FAM131C: variants seen among roughly 807,000 people sequenced by gnomAD.
FAM131C encodes family with sequence similarity 131 member C, also known as protein FAM131C.
Under a neutral mutation model 29.8 loss-of-function variants are expected in FAM131C, and 14 were observed. The observed-to-expected ratio is 0.47, with a 90% CI of 0.31 to 0.73. The LOEUF (loss-of-function observed/expected upper bound fraction) is 0.73. Ranked by LOEUF, FAM131C falls within the 30% of genes least tolerant of loss-of-function variation. The probability of loss-of-function intolerance (pLI) is 0.05; values close to 1 mark genes in which losing one functional copy is unlikely to be tolerated. For missense variants in FAM131C, 252 were observed against 383.8 expected, an observed-to-expected ratio of 0.66 and a Z score of 2.87; for synonymous variants, 86 against 157.8, an observed-to-expected ratio of 0.54 and a Z score of 3.41.
intron 1 of FAM131C, among the ~76,000 whole-genome samples, chr1:16,067,332 A>G (rs2023694792): frequency 6.6e-6 from 1 of 152,182 alleles, no homozygotes; most frequent in African/African-American, 2.4e-5. Flanking sequence ...CACCACTGGC[A>G]ACTGGAAAAA....
At chr1:16,064,034 G>T (rs1359418384) in intron 1 of FAM131C, among the ~76,000 whole-genome samples, 1 of 151,952 alleles carries the variant, frequency 6.6e-6, no homozygotes, top group African/African-American at 2.4e-5. Flanking sequence ...CTCTCACCCC[G>T]GTTTGGGTCT....
At chr1:16,065,295 A>G (rs372672891) in intron 1 of FAM131C, among the ~76,000 whole-genome samples, 7 of 152,096 alleles carry the variant, frequency 4.6e-5, no homozygotes, top group African/African-American at 1.7e-4. Flanking sequence ...CACGCAGTCA[A>G]CCGGCAAATC....
intron 5 of FAM131C, 113 bp from the exon 6 acceptor site, chr1:16,059,717 C>G: frequency 1.6e-6 from 1 of 639,502 alleles, no homozygotes; most frequent in South Asian, 5.4e-5. Flanking sequence ...GGCTGCCAAT[C>G]CACACCCCAG....
At chr1:16,061,487 C>T (rs555147568) in intron 4 of FAM131C, among the ~76,000 whole-genome samples, 8 of 152,256 alleles carry the variant, frequency 5.3e-5, no homozygotes, top group African/African-American at 9.6e-5. Flanking sequence ...ATCTGGAGAA[C>T]CGCCCTGAGC....
intron 1 of FAM131C, among the ~76,000 whole-genome samples, chr1:16,066,513 TCCACAAAG>T (rs2023685252): frequency 6.6e-6 from 1 of 152,178 alleles, no homozygotes; most frequent in African/African-American, 2.4e-5. Context: ...GGCCTCCATT[TCCACAAAG>T]GCCATGTTGT....
chr1:16,059,785 AG>A (rs2023564801), intron 5 of FAM131C, 83 bp downstream of exon 5: 1 of 1,335,510 alleles, frequency 7.5e-7, no homozygotes, highest in African/African-American at 1.5e-5. Flanking sequence ...TTTCCTGCCC[AG>A]ACAATGCCCA....
intron 5 of FAM131C, 83 bp from the exon 6 acceptor site, chr1:16,059,687 G>T: frequency 1.0e-6 from 1 of 992,340 alleles, no homozygotes; most frequent in African/African-American, 1.7e-5. Context: ...AGGACAGGCG[G>T]GAGGGTGGCC....
At chr1:16,060,086 A>G (rs2023573993) in intron 4 of FAM131C, 35 bp from the exon 5 acceptor site, 6 of 1,181,234 alleles carry the variant, frequency 5.1e-6, no homozygotes, top group Non-Finnish European at 5.8e-6. Flanking sequence ...GACTGTCCTG[A>G]CACAAGGCTC....
chr1:16,068,314 C>T (rs2023708594), intron 1 of FAM131C, among the ~76,000 whole-genome samples: 1 of 152,256 alleles, frequency 6.6e-6, no homozygotes, highest in Non-Finnish European at 1.5e-5. Context: ...GGATTCTCAT[C>T]TGTGAAATAA....
intron 1 of FAM131C, among the ~76,000 whole-genome samples, chr1:16,064,445 T>G (rs530021805): frequency 6.6e-6 from 1 of 152,286 alleles, no homozygotes; most frequent in East Asian, 1.9e-4. Flanking sequence ...CACCCAGGGC[T>G]GGGTCCTGCC....
intron 6 of FAM131C, among the ~76,000 whole-genome samples, chr1:16,059,027 C>T (rs1256004838): frequency 1.3e-5 from 2 of 151,974 alleles, no homozygotes; most frequent in Non-Finnish European, 1.5e-5. Flanking sequence ...GTGCAGGCTT[C>T]CCCCAGGGCC....
intron 1 of FAM131C, among the ~76,000 whole-genome samples, chr1:16,065,221 C>T (rs1450962910): frequency 6.6e-6 from 1 of 152,170 alleles, no homozygotes; most frequent in Non-Finnish European, 1.5e-5. Flanking sequence ...CCCCATCCCC[C>T]ACTGCACCAA....
At chr1:16,062,806 T>C (rs1324099858) in intron 2 of FAM131C, among the ~76,000 whole-genome samples, 1 of 152,260 alleles carries the variant, frequency 6.6e-6, no homozygotes, top group Non-Finnish European at 1.5e-5. Flanking sequence ...TCCCAGCTGG[T>C]GTCCCTAGAC....
At chr1:16,070,683 G>A (rs1011973615) in intron 1 of FAM131C, among the ~76,000 whole-genome samples, 2 of 152,168 alleles carry the variant, frequency 1.3e-5, no homozygotes, top group African/African-American at 4.8e-5. Flanking sequence ...TAGCTAATAT[G>A]TACGAGTGCT....
At chr1:16,070,680 T>C (rs2023739539) in intron 1 of FAM131C, among the ~76,000 whole-genome samples, 1 of 152,230 alleles carries the variant, frequency 6.6e-6, no homozygotes, top group Non-Finnish European at 1.5e-5. Context: ...CAATAGCTAA[T>C]ATGTACGAGT....
At chr1:16,069,975 G>A (rs1440686876) in intron 1 of FAM131C, among the ~76,000 whole-genome samples, 2 of 152,110 alleles carry the variant, frequency 1.3e-5, no homozygotes, top group Non-Finnish European at 2.9e-5. Context: ...ATGTTGCACA[G>A]GCTGGTCTTG....
At chr1:16,068,202 C>T (rs981224606) in intron 1 of FAM131C, among the ~76,000 whole-genome samples, 4 of 152,238 alleles carry the variant, frequency 2.6e-5, no homozygotes, top group African/African-American at 7.2e-5. Flanking sequence ...AGAACGTAAG[C>T]GGCCAAGGCA....
chr1:16,062,380 GCCCCCCCCC>G (rs34673312), intron 3 of FAM131C, 110 bp downstream of exon 3: 1 of 858,418 alleles, frequency 1.2e-6, no homozygotes, highest in Non-Finnish European at 1.6e-6. Context: ...GTTTCATCAG[GCCCCCCCCC>G]CCCCCGCCCC....
At chr1:16,065,807 G>A (rs1424149059) in intron 1 of FAM131C, among the ~76,000 whole-genome samples, 3 of 152,204 alleles carry the variant, frequency 2.0e-5, no homozygotes, top group Admixed American at 2.0e-4. Flanking sequence ...TCCTCTGGAA[G>A]GTTCACCTCA....
Sources: gnomAD v4.1 joint callset for allele counts (sites outside exome capture counted in the v4.1 genomes callset) on GRCh38, gnomAD v4.1.1 for gene constraint, MANE v1.5 for transcripts, NCBI Gene and HGNC (gene_info 2026-07-23, HGNC 2026-07-21) for gene names.